LONRF3: variants seen among roughly 807,000 people sequenced by gnomAD.
LONRF3 encodes the protein LON peptidase N-terminal domain and ring finger 3.
A neutral mutation model predicts 51.7 loss-of-function variants in LONRF3; 19 were observed. That is an observed-to-expected ratio of 0.37 (90% CI 0.26 to 0.54). The LOEUF is 0.54. LONRF3 is among the 20% of genes least tolerant of loss of function. The pLI, the probability that LONRF3 is intolerant of heterozygous loss-of-function variation, is 0.86. For synonymous variants in LONRF3, 265 were observed against 257.8 expected, an observed-to-expected ratio of 1.03 and a Z score of -0.27; for missense variants, 521 against 623.9, an observed-to-expected ratio of 0.84 and a Z score of 1.76.
intron 1 of LONRF3, among the ~76,000 whole-genome samples, chrX:118,977,455 A>G (rs779149397): frequency 2.7e-5 from 3 of 112,324 alleles, no homozygotes; most frequent in Non-Finnish European, 5.6e-5. Context: ...CCCTTCTAAG[A>G]GGAAAGGAGG....
chrX:119,013,301 T>A, intron 9 of LONRF3, 100 bp downstream of exon 9: 1 of 876,587 alleles, frequency 1.1e-6, no homozygotes, highest in Non-Finnish European at 1.6e-6. Flanking sequence ...CTTGAGGGCC[T>A]TGGGATTTCA....
chrX:118,995,335 A>C, intron 5 of LONRF3, among the ~76,000 whole-genome samples: 1 of 112,110 alleles, frequency 8.9e-6, no homozygotes, highest in East Asian at 2.8e-4. Flanking sequence ...GGGATACAGC[A>C]AAGGCAGTGC....
chrX:118,978,969 T>C (rs781050319), intron 2 of LONRF3, among the ~76,000 whole-genome samples: 2 of 106,736 alleles, frequency 1.9e-5, no homozygotes, highest in East Asian at 2.9e-4. Flanking sequence ...CTTCCTTCCT[T>C]TCTCTCTCTC....
At chrX:119,004,202 T>C (rs1246987549) in intron 5 of LONRF3, among the ~76,000 whole-genome samples, 1 of 111,944 alleles carries the variant, frequency 8.9e-6, no homozygotes, top group African/African-American at 3.2e-5. Context: ...TTTTGGCCAA[T>C]TTGATAACTA....
In LONRF3 at chrX:118,975,492, C is replaced by T; in HGVS notation, c.712C>T (p.Pro238Ser). ...CAGCGGCCTCCTCGGCAAGTTGTTT[C>T]CAGGCCCAGCGCGAGCGTCGCAACT... is the stretch of plus-strand genomic sequence containing the variant. ...VLSGLLGKLF[P>S]GPARASQLRH... is the part of the protein sequence containing the mutation. The change falls in exon 1 of 11, where the codon CCA (proline) becomes TCA (serine). Residue 238 changes from proline (P) to serine (S), a missense_variant. Pro to Ser is a moderately conservative substitution (Grantham distance 74). Coordinates refer to ENST00000371628, the MANE Select transcript of LONRF3 (RefSeq NM_001031855.3). 2 of 1,203,370 alleles carry T rather than the reference C, an allele frequency of 1.7e-6. No individual in the cohort carries two copies. The highest frequency in any genetic ancestry group is 2.2e-6 in the Non-Finnish European group (2 of 892,131).
chrX:119,010,546 T>A (rs1346505664), intron 7 of LONRF3, among the ~76,000 whole-genome samples: 4 of 111,301 alleles, frequency 3.6e-5, no homozygotes, highest in Non-Finnish European at 5.7e-5. Context: ...TTATTTCTGA[T>A]CTGTAAATTA....
chrX:118,994,773 C>G (rs368482113), intron 5 of LONRF3, among the ~76,000 whole-genome samples: 4 of 111,667 alleles, frequency 3.6e-5, no homozygotes, highest in African/African-American at 1.3e-4. Context: ...AAGGCCTTGT[C>G]CAACAGGAAA....
intron 5 of LONRF3, among the ~76,000 whole-genome samples, chrX:119,000,613 G>T (rs745867764): frequency 8.9e-6 from 1 of 112,082 alleles, no homozygotes; most frequent in Admixed American, 9.5e-5. Context: ...CTTTTGGGGT[G>T]ACAAAGACAT....
chrX:119,006,568 T>TTTTTGTTTTG (rs10587850), intron 6 of LONRF3, among the ~76,000 whole-genome samples: 2,060 of 90,063 alleles, frequency 0.023, 42 homozygotes, highest in East Asian at 0.045. Context: ...GCTCGGCTAA[T>TTTTTGTTTTG]TTTTGTTTTG....
At chrX:119,015,610 A>G (rs1034173387) in intron 10 of LONRF3, among the ~76,000 whole-genome samples, 1 of 111,995 alleles carries the variant, frequency 8.9e-6, no homozygotes, top group Non-Finnish European at 1.9e-5. Context: ...GATCAAGCTT[A>G]ATGTTCCCCT....
intron 6 of LONRF3, among the ~76,000 whole-genome samples, chrX:119,007,531 A>G (rs773113708): frequency 8.9e-6 from 1 of 112,526 alleles, no homozygotes; most frequent in Non-Finnish European, 1.9e-5. Context: ...TCCCTCCCTC[A>G]GGGACTTATC....
At chrX:118,999,096 T>G in intron 5 of LONRF3, among the ~76,000 whole-genome samples, 1 of 112,777 alleles carries the variant, frequency 8.9e-6, no homozygotes, top group East Asian at 2.8e-4. Context: ...CGTTGTTGGA[T>G]GACTGAAAAC....
intron 3 of LONRF3, among the ~76,000 whole-genome samples, chrX:118,985,265 G>T (rs753504991): frequency 8.0e-5 from 9 of 111,813 alleles, no homozygotes; most frequent in Non-Finnish European, 1.7e-4. Context: ...AGAGTATTAT[G>T]CTCTTTTTGG....
intron 5 of LONRF3, among the ~76,000 whole-genome samples, chrX:119,000,810 T>A (rs762415710): frequency 2.1e-4 from 17 of 82,380 alleles, no homozygotes; most frequent in Admixed American, 4.0e-4. Context: ...TCTCTCTCTC[T>A]CTCTCTCTCT....
At chrX:119,007,400 C>T (rs747158850) in intron 6 of LONRF3, among the ~76,000 whole-genome samples, 2 of 111,912 alleles carry the variant, frequency 1.8e-5, no homozygotes, top group Non-Finnish European at 3.8e-5. Context: ...TTTTGCAGAC[C>T]GCAGCCCTCT....
chrX:119,011,719 G>C, intron 7 of LONRF3, 96 bp from the exon 8 acceptor site: 5 of 930,564 alleles, frequency 5.4e-6, no homozygotes, highest in Non-Finnish European at 7.6e-6. Context: ...TGGTGTCTCT[G>C]CCTTCCCCCA....
intron 2 of LONRF3, among the ~76,000 whole-genome samples, chrX:118,981,483 C>CAAAAA (rs10669908): frequency 3.9e-5 from 3 of 76,029 alleles, no homozygotes; most frequent in Non-Finnish European, 7.3e-5. Context: ...GATTCTATCT[C>CAAAAA]AAAAAAAAAA....
intron 3 of LONRF3, among the ~76,000 whole-genome samples, chrX:118,983,758 C>A (rs1036996140): frequency 3.6e-5 from 4 of 111,889 alleles, no homozygotes; most frequent in Non-Finnish European, 7.5e-5. Flanking sequence ...CGGTTTCTGT[C>A]CCAGTGTGGT....
chrX:119,012,045 C>A (rs1025914439), intron 8 of LONRF3, 72 bp downstream of exon 8: 4 of 1,080,749 alleles, frequency 3.7e-6, no homozygotes, highest in African/African-American at 1.8e-5. Flanking sequence ...GGGGTACTCC[C>A]AGGAGACAGG....
Sources: gnomAD v4.1 joint callset for allele counts (sites outside exome capture counted in the v4.1 genomes callset) on GRCh38, gnomAD v4.1.1 for gene constraint, MANE v1.5 for transcripts, NCBI Gene and HGNC (gene_info 2026-07-23, HGNC 2026-07-21) for gene names.